MICU1: variants seen among roughly 807,000 people sequenced by gnomAD.
The protein encoded by MICU1 is calcium uptake protein 1, mitochondrial.
MICU1 carries 45 observed loss-of-function variants against 56.8 expected under a neutral mutation model. The observed-to-expected ratio is 0.79, with a 90% CI of 0.62 to 1.02. MICU1 has a LOEUF of 1.02. Among genes scored for constraint, MICU1 ranks in the 50% least tolerant of loss-of-function variants. The probability of loss-of-function intolerance (pLI) is 0.00; values close to 1 mark genes in which losing one functional copy is unlikely to be tolerated. For synonymous variants in MICU1, 186 were observed against 195.1 expected, an observed-to-expected ratio of 0.95 and a Z score of 0.39; for missense variants, 504 against 587.1, an observed-to-expected ratio of 0.86 and a Z score of 1.46.
chr10:72,598,455 C>T (rs1841436645), intron 1 of MICU1, among the ~76,000 whole-genome samples: 1 of 151,946 alleles, frequency 6.6e-6, no homozygotes, highest in Non-Finnish European at 1.5e-5. Context: ...AGGGTTTCAC[C>T]ATGTTGGCCA....
At chr10:72,487,497 G>A (rs1202991805) in intron 6 of MICU1, among the ~76,000 whole-genome samples, 1 of 152,076 alleles carries the variant, frequency 6.6e-6, no homozygotes, top group Non-Finnish European at 1.5e-5. Context: ...CAAAGCAATG[G>A]CTACCAAGAG....
chr10:72,413,218 A>AAAAAC (rs141304301), intron 9 of MICU1, among the ~76,000 whole-genome samples: 26 of 151,896 alleles, frequency 1.7e-4, no homozygotes, highest in African/African-American at 4.6e-4. Flanking sequence ...AAACAAAAAC[A>AAAAAC]AAAACAAAAC....
intron 11 of MICU1, among the ~76,000 whole-genome samples, chr10:72,369,323 AG>A (rs1038023565): frequency 6.8e-6 from 1 of 147,800 alleles, no homozygotes; most frequent in African/African-American, 2.5e-5. Flanking sequence ...AAAAAAAAAG[AG>A]GTGGGCAGGA....
At position 72,375,764 on chromosome 10, in the gene MICU1, T is replaced by C; in HGVS notation, c.1270+19A>G. On this transcript the variant is annotated intron_variant, in intron 11 of 11. Coordinates refer to ENST00000361114, the MANE Select transcript of MICU1 (RefSeq NM_001195518.2). Reference sequence around the variant, plus strand: ...CAGCTAGGCTGTTTCCCCTCCGGGCTCCAGAGGGCCCCACTCACCATCACA... The same window carrying C: ...CAGCTAGGCTGTTTCCCCTCCGGGCCCCAGAGGGCCCCACTCACCATCACA... The C allele has an allele frequency of 1.2e-6, 2 of 1,606,838 alleles. No homozygotes were observed. Among genetic ancestry groups the C allele is most frequent in the Non-Finnish European group, 1.7e-6 (2 of 1,176,614 alleles).
intron 1 of MICU1, among the ~76,000 whole-genome samples, chr10:72,571,935 A>T (rs1840620777): frequency 6.6e-6 from 1 of 152,086 alleles, no homozygotes; most frequent in African/African-American, 2.4e-5. Flanking sequence ...ACATATTAAT[A>T]TCTAATTGCA....
intron 2 of MICU1, among the ~76,000 whole-genome samples, chr10:72,566,257 G>A (rs918785838): frequency 6.6e-6 from 1 of 152,052 alleles, no homozygotes; most frequent in African/African-American, 2.4e-5. Context: ...TGTTGGCCAA[G>A]CTGGTCTCAA....
intron 8 of MICU1, among the ~76,000 whole-genome samples, chr10:72,430,551 C>A (rs895128969): frequency 6.6e-6 from 1 of 151,314 alleles, no homozygotes; most frequent in Admixed American, 6.6e-5. Flanking sequence ...CCTCCCTTTT[C>A]TAGTACATTA....
chr10:72,493,412 G>C (rs116943404), intron 6 of MICU1, among the ~76,000 whole-genome samples: 1 of 151,860 alleles, frequency 6.6e-6, no homozygotes, highest in Non-Finnish European at 1.5e-5. Flanking sequence ...GTTCTTTCTC[G>C]TTTATTTTTA....
chr10:72,382,627 GGCCAA>G (rs1417461474), intron 10 of MICU1, among the ~76,000 whole-genome samples: 1 of 152,176 alleles, frequency 6.6e-6, no homozygotes, highest in Admixed American at 6.5e-5. Context: ...CTTTAAAACA[GGCCAA>G]GTGTGGTGGC....
At chr10:72,612,667 G>A (rs918198873) in intron 1 of MICU1, among the ~76,000 whole-genome samples, 5 of 152,138 alleles carry the variant, frequency 3.3e-5, no homozygotes, top group East Asian at 1.9e-4. Context: ...CAGGCAAGGT[G>A]GCACATGCAT....
chr10:72,573,287 T>C (rs1448525497), intron 1 of MICU1, among the ~76,000 whole-genome samples: 2 of 58,094 alleles, frequency 3.4e-5, no homozygotes, highest in Non-Finnish European at 6.2e-5. Context: ...CTGGGAAACA[T>C]AATGAGACCC....
chr10:72,571,635 C>A (rs1840612831), intron 1 of MICU1, among the ~76,000 whole-genome samples: 1 of 152,130 alleles, frequency 6.6e-6, no homozygotes, highest in Non-Finnish European at 1.5e-5. Context: ...TGCAAAGAAG[C>A]AAAGGCAGAG....
intron 1 of MICU1, among the ~76,000 whole-genome samples, chr10:72,609,281 A>G (rs971144745): frequency 3.3e-5 from 5 of 152,216 alleles, no homozygotes; most frequent in African/African-American, 1.2e-4. Context: ...CAAAGTTCTG[A>G]AAATGAATAG....
intron 8 of MICU1, among the ~76,000 whole-genome samples, chr10:72,429,705 C>T (rs769013095): frequency 1.8e-4 from 28 of 152,100 alleles, no homozygotes; most frequent in African/African-American, 4.8e-4. Context: ...AATATCTCTA[C>T]GTTTATCTCT....
intron 1 of MICU1, among the ~76,000 whole-genome samples, chr10:72,603,696 C>T (rs1016203261): frequency 3.3e-5 from 5 of 151,970 alleles, no homozygotes; most frequent in East Asian, 1.9e-4. Flanking sequence ...TCCAACTACT[C>T]GGGAGGCTGA....
chr10:72,398,905 T>A (rs1863356222), intron 10 of MICU1, among the ~76,000 whole-genome samples: 1 of 151,978 alleles, frequency 6.6e-6, no homozygotes, highest in Non-Finnish European at 1.5e-5. Flanking sequence ...ACTATTCCAA[T>A]CAATAGAAAA....
At chr10:72,617,801 C>T (rs1311790859) in intron 1 of MICU1, among the ~76,000 whole-genome samples, 1 of 152,124 alleles carries the variant, frequency 6.6e-6, no homozygotes, top group Non-Finnish European at 1.5e-5. Flanking sequence ...TACTGCACTC[C>T]AGCCTGGGTG....
At chr10:72,579,806 A>G (rs1840850424) in intron 1 of MICU1, among the ~76,000 whole-genome samples, 1 of 152,210 alleles carries the variant, frequency 6.6e-6, no homozygotes, top group African/African-American at 2.4e-5. Context: ...CAAAAAAATT[A>G]TTAAAAATAT....
At chr10:72,446,968 A>G (rs1332243536) in intron 8 of MICU1, among the ~76,000 whole-genome samples, 1 of 152,216 alleles carries the variant, frequency 6.6e-6, no homozygotes, top group African/African-American at 2.4e-5. Context: ...TAAGATTGAG[A>G]AAGGAAAGAA....
Sources: allele counts gnomAD v4.1 joint callset (sites outside exome capture counted in the v4.1 genomes callset), GRCh38; gene constraint gnomAD v4.1.1; transcripts MANE v1.5; gene names NCBI Gene and HGNC (gene_info 2026-07-23, HGNC 2026-07-21).